RIMBP2: variants seen among roughly 807,000 people sequenced by gnomAD.
RIMBP2 encodes the protein RIMS binding protein 2, also known as RIMS-binding protein 2.
Under a neutral mutation model 118.6 loss-of-function variants are expected in RIMBP2, and 48 were observed. That is an observed-to-expected ratio of 0.40 (90% CI 0.32 to 0.51). The LOEUF (loss-of-function observed/expected upper bound fraction) is 0.51, where lower values mean the gene tolerates loss of function less well. Among genes scored for constraint, RIMBP2 ranks in the 20% least tolerant of loss-of-function variants. The pLI is 0.41. For missense variants in RIMBP2, 1,551 were observed against 1,768.3 expected, an observed-to-expected ratio of 0.88 and a Z score of 2.20; for synonymous variants, 762 against 742.9, an observed-to-expected ratio of 1.03 and a Z score of -0.42.
At chr12:130,656,138 G>A (rs1555319271) in intron 1 of RIMBP2, among the ~76,000 whole-genome samples, 1 of 152,180 alleles carries the variant, frequency 6.6e-6, no homozygotes, top group Non-Finnish European at 1.5e-5. Flanking sequence ...TTCTGTGTGG[G>A]CCCCGGGAGG....
chr12:130,562,965 C>T (rs142381859), intron 2 of RIMBP2, among the ~76,000 whole-genome samples: 15 of 152,300 alleles, frequency 9.8e-5, no homozygotes, highest in East Asian at 3.9e-4. Flanking sequence ...TCTCTGACAG[C>T]GTAGCTTGGT....
At chr12:130,558,683 G>A (rs564840687) in intron 2 of RIMBP2, among the ~76,000 whole-genome samples, 5 of 152,268 alleles carry the variant, frequency 3.3e-5, no homozygotes, top group Non-Finnish European at 5.9e-5. Flanking sequence ...GAGGCCAGGC[G>A]GCCCCCTTGA....
chr12:130,654,361 A>G (rs146699896), intron 1 of RIMBP2, among the ~76,000 whole-genome samples: 46 of 152,356 alleles, frequency 3.0e-4, no homozygotes, highest in African/African-American at 1.1e-3. Context: ...GCCCTAGGAC[A>G]CAGATACAAT....
intron 2 of RIMBP2, among the ~76,000 whole-genome samples, chr12:130,579,221 C>G (rs2058297333): frequency 6.6e-6 from 1 of 152,128 alleles, no homozygotes; most frequent in Admixed American, 6.5e-5. Flanking sequence ...TATCCCATTC[C>G]CTGGCTAATA....
intron 1 of RIMBP2, among the ~76,000 whole-genome samples, chr12:130,702,325 C>T (rs1489573241): frequency 6.6e-6 from 1 of 151,858 alleles, no homozygotes; most frequent in African/African-American, 2.4e-5. Context: ...GAGACCAGCC[C>T]GATCAATATG....
chr12:130,572,180 G>A (rs1009066190), intron 2 of RIMBP2, among the ~76,000 whole-genome samples: 5 of 152,220 alleles, frequency 3.3e-5, no homozygotes, highest in Non-Finnish European at 5.9e-5. Context: ...AACTTAGCAC[G>A]GGTGACAGGG....
chr12:130,697,552 T>C (rs1267863561), intron 1 of RIMBP2, among the ~76,000 whole-genome samples: 1 of 152,068 alleles, frequency 6.6e-6, no homozygotes, highest in African/African-American at 2.4e-5. Flanking sequence ...TGTGGTAGAA[T>C]TGGCAGGCCT....
chr12:130,695,750 A>T (rs1472168597), intron 1 of RIMBP2, among the ~76,000 whole-genome samples: 1 of 152,092 alleles, frequency 6.6e-6, no homozygotes, highest in East Asian at 1.9e-4. Flanking sequence ...AGAGGCTAGG[A>T]TGGCTGTCTA....
intron 2 of RIMBP2, among the ~76,000 whole-genome samples, chr12:130,535,714 T>C (rs34953279): frequency 0.11 from 8,796 of 79,520 alleles, 410 homozygotes; most frequent in Middle Eastern, 0.23. Context: ...CACATATACA[T>C]ATACATATAT....
At chr12:130,500,719 G>A (rs1029053397) in intron 4 of RIMBP2, among the ~76,000 whole-genome samples, 4 of 152,088 alleles carry the variant, frequency 2.6e-5, no homozygotes, top group Non-Finnish European at 5.9e-5. Flanking sequence ...AACACAGGAC[G>A]GGCAGTCTTA....
chr12:130,512,362 G>A (rs992107981), intron 3 of RIMBP2, among the ~76,000 whole-genome samples: 6 of 151,724 alleles, frequency 4.0e-5, no homozygotes, highest in East Asian at 3.9e-4. Context: ...TCACTCTGTC[G>A]CCCAGGCTGG....
At chr12:130,433,728 T>C (rs1404873723) in intron 14 of RIMBP2, among the ~76,000 whole-genome samples, 1 of 152,124 alleles carries the variant, frequency 6.6e-6, no homozygotes, top group Non-Finnish European at 1.5e-5. Flanking sequence ...GGTGTTCTCA[T>C]AGGACGGTGT....
At chr12:130,602,926 C>T (rs11061017) in intron 2 of RIMBP2, among the ~76,000 whole-genome samples, 27,173 of 152,034 alleles carry the variant, frequency 0.18, 3,571 homozygotes, top group East Asian at 0.36. Flanking sequence ...CACACCCCCT[C>T]CCGGAAGAGG....
At chr12:130,459,296 A>G (rs1426463404) in intron 6 of RIMBP2, among the ~76,000 whole-genome samples, 1 of 151,832 alleles carries the variant, frequency 6.6e-6, no homozygotes, top group Non-Finnish European at 1.5e-5. Context: ...TACGAAAAAA[A>G]AAAAAGAGTG....
At position 130,447,270 on chromosome 12, in the gene RIMBP2, G is replaced by C. The variant is rs1309639324; in HGVS notation, c.582-2001C>G. Among the ~76,000 whole-genome samples the C allele has an allele frequency of 6.6e-6, 1 of 151,972 alleles. No individual in the cohort carries two copies. The highest frequency in any genetic ancestry group is 1.5e-5 in the Non-Finnish European group (1 of 67,988). ...CCGAGAAGGGTGGAAGAAGGTCCCTGGCTGGTAAGGGCACGGAGAAGAAGT... is the reference window on the plus strand; with the variant it reads ...CCGAGAAGGGTGGAAGAAGGTCCCTCGCTGGTAAGGGCACGGAGAAGAAGT... On this transcript the variant is annotated intron_variant, in intron 9 of 22. Transcript: ENST00000690449. The surrounding 1 kb of genome is among the most constrained non-coding windows in gnomAD (Gnocchi z 4.4).
intron 4 of RIMBP2, among the ~76,000 whole-genome samples, chr12:130,487,283 C>T (rs1240297951): frequency 6.6e-6 from 1 of 152,186 alleles, no homozygotes; most frequent in Non-Finnish European, 1.5e-5. Context: ...AATGTGACCC[C>T]TGTGTTGGAG....
chr12:130,526,930 C>T (rs955066491), intron 2 of RIMBP2, among the ~76,000 whole-genome samples: 8 of 152,014 alleles, frequency 5.3e-5, no homozygotes, highest in Non-Finnish European at 7.4e-5. Flanking sequence ...GAAGAAAAGC[C>T]GCTGGTGGGA....
chr12:130,545,501 T>C (rs533836398), intron 2 of RIMBP2, among the ~76,000 whole-genome samples: 132 of 152,340 alleles, frequency 8.7e-4, no homozygotes, highest in African/African-American at 3.0e-3. Flanking sequence ...TAAATGAACA[T>C]ACATTATTCA....
At chr12:130,556,743 CA>C (rs1456636110) in intron 2 of RIMBP2, among the ~76,000 whole-genome samples, 1 of 152,162 alleles carries the variant, frequency 6.6e-6, no homozygotes, top group Non-Finnish European at 1.5e-5. Flanking sequence ...TGGCCAAGCC[CA>C]AATGGAAAGC....
Sources: gnomAD v4.1 joint callset for allele counts (sites outside exome capture counted in the v4.1 genomes callset) on GRCh38, gnomAD v4.1.1 for gene constraint, Gnocchi (gnomAD v3.1) non-coding constraint, MANE v1.5 for transcripts, NCBI Gene and HGNC (gene_info 2026-07-23, HGNC 2026-07-21) for gene names.